The following ADAMTSL1 variants were observed in gnomAD, a reference collection of about 807,000 sequenced individuals.
ADAMTSL1 encodes ADAMTS like 1.
ADAMTSL1 carries 126 observed loss-of-function variants against 201.8 expected under a neutral mutation model. That is an observed-to-expected ratio of 0.62 (90% CI 0.54 to 0.72). The LOEUF is 0.72. Ranked by LOEUF, ADAMTSL1 falls within the 30% of genes least tolerant of loss-of-function variation. ADAMTSL1 has a pLI of 0.00. For synonymous variants in ADAMTSL1, 1,121 were observed against 903.4 expected (o/e 1.24, Z -4.32); for missense variants, 2,679 against 2,277.8 (o/e 1.18, Z -3.59).
chr9:18,879,706 G>A (rs1243788455), intron 23 of ADAMTSL1, among the ~76,000 whole-genome samples: 1 of 152,216 alleles, frequency 6.6e-6, no homozygotes, highest in Non-Finnish European at 1.5e-5. Flanking sequence ...TTTTGCTGGT[G>A]GAGGGTCTTG....
intron 3 of ADAMTSL1, among the ~76,000 whole-genome samples, chr9:18,555,118 C>G (rs1318605924): frequency 6.6e-6 from 1 of 151,788 alleles, no homozygotes; most frequent in Non-Finnish European, 1.5e-5. Flanking sequence ...ATTTTCTTTT[C>G]CTAGTTTATT....
intron 9 of ADAMTSL1, among the ~76,000 whole-genome samples, chr9:18,674,222 A>AC (rs66772250): frequency 0.44 from 53,111 of 119,848 alleles, 9,790 homozygotes; most frequent in Middle Eastern, 0.52. Context: ...ACACACACAC[A>AC]AACACACACA....
rs144917685 is a variant in ADAMTSL1, at chr9:18,240,528, T to G, written c.207+76547T>G. On this transcript the variant is annotated intron_variant, in intron 2 of 29. Transcript: ENST00000680146. ...ATGGGAAATGAGCATTTTCTTCAAC[T>G]TAAAGCTACCACTCTATTAACCCAT... Among the ~76,000 whole-genome samples the G allele has an allele frequency of 4.8e-3, 735 of 152,216 alleles. 6 individuals carry two copies. The highest frequency in any genetic ancestry group is 0.017 in the African/African-American group (695 of 41,544).
chr9:18,090,363 A>G (rs181636953), intron 1 of ADAMTSL1, among the ~76,000 whole-genome samples: 1 of 152,354 alleles, frequency 6.6e-6, no homozygotes, highest in East Asian at 1.9e-4. Context: ...CCACTGACAG[A>G]CCAATGAATA....
chr9:18,008,337 C>G (rs556796633), intron 1 of ADAMTSL1, among the ~76,000 whole-genome samples: 2 of 152,040 alleles, frequency 1.3e-5, no homozygotes, highest in South Asian at 4.2e-4. Context: ...ACATGCAAAC[C>G]TGATTAAAAC....
chr9:18,882,951 C>A (rs1013808943), intron 23 of ADAMTSL1, among the ~76,000 whole-genome samples: 4 of 148,118 alleles, frequency 2.7e-5, no homozygotes, highest in Non-Finnish European at 4.4e-5. Context: ...ATGATTGCAC[C>A]ATTACACTCC....
intron 1 of ADAMTSL1, among the ~76,000 whole-genome samples, chr9:18,111,649 C>A (rs1379531824): frequency 7.2e-5 from 11 of 152,142 alleles, no homozygotes; most frequent in African/African-American, 2.4e-4. Flanking sequence ...GACTGACCGC[C>A]ATAAACAGAA....
intron 1 of ADAMTSL1, among the ~76,000 whole-genome samples, chr9:18,009,740 T>C (rs965718300): frequency 2.0e-5 from 3 of 151,970 alleles, no homozygotes; most frequent in African/African-American, 7.2e-5. Flanking sequence ...AATTTAGTGG[T>C]AGTGTGTAAG....
Position 18,474,256 on chromosome 9 carries a change from T to A in ADAMTSL1, c.24T>A (p.Thr8=), listed in dbSNP as rs750175515. ...GCATGGAATGCTGCCGTCGGGCAAC[T>A]CCTGGCACACTGCTCCTCTTTCTGG... MECCRRA[T]PGTLLLFLAF... The change falls in exon 1 of 29, where the codon ACT becomes ACA. Residue 8 remains threonine, a synonymous_variant. Transcript: ENST00000380548. The A allele has an allele frequency of 5.6e-6, 9 of 1,614,198 alleles. No homozygotes were observed.
intron 20 of ADAMTSL1, among the ~76,000 whole-genome samples, chr9:18,811,981 A>G (rs562789110): frequency 6.6e-6 from 1 of 152,298 alleles, no homozygotes; most frequent in South Asian, 2.1e-4. Flanking sequence ...AAATAGACAT[A>G]TTTATCATGG....
chr9:18,710,660 A>ACT (rs1832511055), intron 14 of ADAMTSL1, among the ~76,000 whole-genome samples: 1 of 58,166 alleles, frequency 1.7e-5, no homozygotes, highest in Non-Finnish European at 3.6e-5. Context: ...GAAGGGCCTA[A>ACT]GTTTTGTTTT....
rs143985984 is a variant in ADAMTSL1, at chr9:18,291,481, A to G, written c.207+127500A>G. ...ATAGCAGCAAATGTGGCTCTTGTGC[A>G]CTGTCCTCCTCAACTTACTGTCTTG... On this transcript the variant is annotated intron_variant, in intron 2 of 29. Transcript: ENST00000680146. Among the ~76,000 whole-genome samples the G allele has an allele frequency of 4.4e-3, 668 of 152,128 alleles. 2 individuals are homozygous for G. The highest frequency in any genetic ancestry group is 0.024 in the Middle Eastern group (7 of 294).
At chr9:18,139,554 G>A (rs1368316424) in intron 1 of ADAMTSL1, among the ~76,000 whole-genome samples, 4 of 152,070 alleles carry the variant, frequency 2.6e-5, no homozygotes, top group East Asian at 1.9e-4. Flanking sequence ...ACCTCTAGAT[G>A]GGAATCCTTC....
At chr9:17,957,773 A>C (rs1483629650) in intron 1 of ADAMTSL1, among the ~76,000 whole-genome samples, 2 of 152,166 alleles carry the variant, frequency 1.3e-5, no homozygotes, top group Admixed American at 6.6e-5. Context: ...GATGCAGAGA[A>C]GGCTGTGTGA....
Position 18,707,012 on chromosome 9 carries a change from G to A in ADAMTSL1, c.1840G>A (p.Glu614Lys). The A allele has an allele frequency of 1.9e-6, 3 of 1,613,926 alleles. No individual in the cohort carries two copies. The highest frequency in any genetic ancestry group is 8.5e-7 in the Non-Finnish European group (1 of 1,179,876). Residue 614 changes from glutamate (E) to lysine (K), a missense_variant, in exon 14 of 29, where the codon GAG (glutamate) becomes AAG (lysine). By Grantham distance (56) the Glu-to-Lys change is moderately conservative. Coordinates refer to ENST00000380548, the MANE Select transcript of ADAMTSL1 (RefSeq NM_001040272.6). ...DFDELYDWEY[E>K]GFTKCSESCG... ...CGACGAGCTGTATGACTGGGAGTAT[G>A]AGGGGTTCACCAAGTGCTCCGAGTC...
chr9:18,651,222 A>G (rs1019399576), intron 7 of ADAMTSL1: 1 of 152,192 alleles, frequency 6.6e-6, no homozygotes, highest in South Asian at 2.1e-4. Context: ...CATCTGGATA[A>G]CTGGCTGACT....
intron 1 of ADAMTSL1, among the ~76,000 whole-genome samples, chr9:18,483,855 A>G (rs953136925): frequency 1.3e-5 from 2 of 152,130 alleles, no homozygotes; most frequent in African/African-American, 4.8e-5. Flanking sequence ...AACAAAACAA[A>G]AAACTCAAAG....
chr9:17,972,649 C>T (rs1264915902), intron 1 of ADAMTSL1, among the ~76,000 whole-genome samples: 8 of 151,650 alleles, frequency 5.3e-5, no homozygotes, highest in Non-Finnish European at 1.0e-4. Flanking sequence ...TTTATAGGAG[C>T]ATGATTTATA....
intron 2 of ADAMTSL1, among the ~76,000 whole-genome samples, chr9:18,217,384 T>C (rs2132342272): frequency 6.6e-6 from 1 of 152,266 alleles, no homozygotes; most frequent in Middle Eastern, 3.4e-3. Context: ...AGGCAAATGT[T>C]TCTTGAGGTG....
Sources: gnomAD v4.1 joint callset for allele counts (sites outside exome capture counted in the v4.1 genomes callset) on GRCh38, gnomAD v4.1.1 for gene constraint, MANE v1.5 for transcripts, NCBI Gene and HGNC (gene_info 2026-07-23, HGNC 2026-07-21) for gene names.